GFRA2: variants seen among roughly 807,000 people sequenced by gnomAD.
GFRA2 encodes the protein GDNF family receptor alpha 2.
A neutral mutation model predicts 48.3 loss-of-function variants in GFRA2; 17 were observed. That is an observed-to-expected ratio of 0.35 (90% CI 0.24 to 0.53). The LOEUF (loss-of-function observed/expected upper bound fraction) is 0.53, where lower values mean the gene tolerates loss of function less well. GFRA2 is among the 20% of genes least tolerant of loss of function. GFRA2 has a pLI of 0.93. For synonymous variants in GFRA2, 305 were observed against 257.2 expected, an observed-to-expected ratio of 1.19 and a Z score of -1.78; for missense variants, 660 against 637.3, an observed-to-expected ratio of 1.04 and a Z score of -0.38.
At chr8:21,710,783 G>A (rs537233523) in intron 4 of GFRA2, among the ~76,000 whole-genome samples, 9 of 152,354 alleles carry the variant, frequency 5.9e-5, no homozygotes, top group Non-Finnish European at 1.0e-4. Context: ...ACAGCAAAGC[G>A]TACGGCAAAG....
chr8:21,733,666 G>C (rs986705441), intron 4 of GFRA2, among the ~76,000 whole-genome samples: 3 of 152,220 alleles, frequency 2.0e-5, no homozygotes, highest in African/African-American at 7.2e-5. Flanking sequence ...GCAGCATTCA[G>C]AAAATAGCTA....
intron 3 of GFRA2, among the ~76,000 whole-genome samples, chr8:21,759,215 G>A (rs1007118006): frequency 5.9e-5 from 9 of 151,548 alleles, no homozygotes; most frequent in Non-Finnish European, 8.8e-5. Flanking sequence ...GCAAAACCCC[G>A]TCTCTACTAA....
rs557268099 is a variant in GFRA2 at position 21,692,552 on chromosome 8, G to A, written c.*726C>T. 1.1e-4 allele frequency: 16 copies of A among 152,210 alleles called. No homozygotes were observed. Among genetic ancestry groups the A allele is most frequent in the African/African-American group, 3.6e-4 (15 of 41,528 alleles). The allele number at this position is 152,210 out of a possible 1,614,324, so 9.4% of individuals were successfully genotyped here. A position where few individuals can be genotyped will look rare whatever the true frequency, so the allele number is the denominator to read the frequency against. ...TTCTGCCACCGAGAAAGAAGCTGGT[G>A]CCCAAGTTTTAATGCCTCGCCACAA... On this transcript the variant is annotated 3_prime_UTR_variant, in exon 9 of 9. Transcript: ENST00000524240.
intron 4 of GFRA2, among the ~76,000 whole-genome samples, chr8:21,727,779 T>C (rs1803951877): frequency 6.6e-6 from 1 of 152,196 alleles, no homozygotes; most frequent in African/African-American, 2.4e-5. Context: ...CCGCGGTCTC[T>C]CCGCAATGAC....
intron 4 of GFRA2, among the ~76,000 whole-genome samples, chr8:21,708,111 T>G (rs11997721): frequency 0.24 from 37,144 of 152,204 alleles, 5,553 homozygotes; most frequent in African/African-American, 0.43. Flanking sequence ...GCTCCTGTGT[T>G]GCAGGAGGGC....
At chr8:21,764,655 A>G (rs1383386573) in intron 3 of GFRA2, among the ~76,000 whole-genome samples, 1 of 152,172 alleles carries the variant, frequency 6.6e-6, no homozygotes, top group African/African-American at 2.4e-5. Flanking sequence ...TGCACGCCAC[A>G]TGGACCCCAT....
intron 7 of GFRA2, among the ~76,000 whole-genome samples, chr8:21,697,284 G>T (rs1255462111): frequency 6.6e-6 from 1 of 151,544 alleles, no homozygotes; most frequent in Non-Finnish European, 1.5e-5. Context: ...AGGAACAGAA[G>T]ACAGAGGGAA....
At chr8:21,693,947 T>G (rs1802012536) in intron 8 of GFRA2, among the ~76,000 whole-genome samples, 1 of 150,472 alleles carries the variant, frequency 6.6e-6, no homozygotes, top group South Asian at 2.1e-4. Flanking sequence ...TGCCTTTTCT[T>G]CTCATCTAAG....
At chr8:21,731,100 C>A (rs1313411236) in intron 4 of GFRA2, among the ~76,000 whole-genome samples, 1 of 152,080 alleles carries the variant, frequency 6.6e-6, no homozygotes, top group Non-Finnish European at 1.5e-5. Flanking sequence ...CTGCCTGATC[C>A]TCCCAGCACC....
intron 1 of GFRA2, among the ~76,000 whole-genome samples, chr8:21,805,975 T>G (rs1807857699): frequency 6.6e-6 from 1 of 152,164 alleles, no homozygotes; most frequent in African/African-American, 2.4e-5. Context: ...GGGAGAAGCC[T>G]GTCTTGGCCA....
At chr8:21,723,510 A>C (rs1217519154) in intron 4 of GFRA2, among the ~76,000 whole-genome samples, 3 of 152,212 alleles carry the variant, frequency 2.0e-5, no homozygotes, top group African/African-American at 7.2e-5. Flanking sequence ...GAGCTTTACA[A>C]AAAATAAAAG....
intron 1 of GFRA2, chr8:21,805,267 T>C (rs1354153081): frequency 6.6e-6 from 1 of 152,240 alleles, no homozygotes; most frequent in African/African-American, 2.4e-5. Context: ...TCTACAGCTC[T>C]TGGCCCTATC....
At chr8:21,710,456 C>G (rs186992696) in intron 4 of GFRA2, among the ~76,000 whole-genome samples, 2 of 151,976 alleles carry the variant, frequency 1.3e-5, no homozygotes, top group Admixed American at 6.5e-5. Flanking sequence ...GGCAAGTGAG[C>G]GCATCAAGGA....
rs369292717 is a variant in GFRA2, at chr8:21,800,117, A to G, written c.-36+4900T>C. Among the ~76,000 whole-genome samples, 648 of 152,364 alleles carry G rather than the reference A, an allele frequency of 4.3e-3. 2 individuals are homozygous for G. Among genetic ancestry groups the G allele is most frequent in the African/African-American group, 0.015 (606 of 41,588 alleles). On this transcript the variant is annotated intron_variant, in intron 2 of 10. Transcript: ENST00000517328. ...AGTCTTGTAAACGGATCCTAAGGGA[A>G]GTGATCATCTATTTATTTTAAGAGT...
intron 2 of GFRA2, among the ~76,000 whole-genome samples, chr8:21,802,005 G>A (rs1397130236): frequency 3.3e-5 from 5 of 152,228 alleles, no homozygotes; most frequent in Admixed American, 6.5e-5. Context: ...TCCTCAGCAC[G>A]CTGCCTTGCT....
intron 3 of GFRA2, among the ~76,000 whole-genome samples, chr8:21,760,071 T>C (rs1158364914): frequency 6.6e-6 from 1 of 152,086 alleles, no homozygotes; most frequent in Non-Finnish European, 1.5e-5. Context: ...GAGACAGCTA[T>C]GAGCTTGGCA....
intron 4 of GFRA2, among the ~76,000 whole-genome samples, chr8:21,735,608 G>A (rs992578464): frequency 5.3e-5 from 8 of 152,166 alleles, no homozygotes; most frequent in Admixed American, 2.0e-4. Flanking sequence ...TAAAGGCGAG[G>A]TTTCATAAGC....
At chr8:21,775,794 G>T (rs1019970021) in intron 2 of GFRA2, among the ~76,000 whole-genome samples, 1 of 151,936 alleles carries the variant, frequency 6.6e-6, no homozygotes, top group Non-Finnish European at 1.5e-5. Flanking sequence ...ACCTTTCCTC[G>T]AGGCTTTGGG....
intron 4 of GFRA2, among the ~76,000 whole-genome samples, chr8:21,723,960 A>G (rs74483031): frequency 0.016 from 2,415 of 152,194 alleles, 56 homozygotes; most frequent in African/African-American, 0.055. Flanking sequence ...AGGGAAGGAA[A>G]TCAAACAGGG....
Sources: gnomAD v4.1 joint callset for allele counts (sites outside exome capture counted in the v4.1 genomes callset) on GRCh38, gnomAD v4.1.1 for gene constraint, MANE v1.5 for transcripts, NCBI Gene and HGNC (gene_info 2026-07-23, HGNC 2026-07-21) for gene names.